Variants in ACSF3 observed in about 807,000 individuals in gnomAD.
The protein encoded by ACSF3 is malonate--CoA ligase ACSF3, mitochondrial.
In ACSF3, 78 loss-of-function variants were observed where a neutral mutation model predicts 53.2. The observed-to-expected ratio is 1.47, with a 90% confidence interval of 1.22 to 1.77. ACSF3 has a LOEUF of 1.77. Ranked by LOEUF, ACSF3 falls within the 40% of genes most tolerant of loss-of-function variation. ACSF3 has a pLI of 0.00. For missense variants in ACSF3, 937 were observed against 771.1 expected, an observed-to-expected ratio of 1.22 and a Z score of -2.55; for synonymous variants, 414 against 333.1, an observed-to-expected ratio of 1.24 and a Z score of -2.65.
At chr16:89,131,127 CTTTTTTTTTT>C (rs558773398) in intron 7 of ACSF3, among the ~76,000 whole-genome samples, 17 of 69,548 alleles carry the variant, frequency 2.4e-4, no homozygotes, top group Non-Finnish European at 4.1e-4. Flanking sequence ...TTTTCTTTTT[CTTTTTTTTTT>C]TTTTTTTTTT....
intron 6 of ACSF3, among the ~76,000 whole-genome samples, chr16:89,120,510 A>C (rs748483863): frequency 1.3e-5 from 2 of 152,350 alleles, no homozygotes; most frequent in South Asian, 4.1e-4. Flanking sequence ...TGAGGGGCCC[A>C]GGGCAGGCCA....
At chr16:89,112,294 A>G (rs748596398) in intron 5 of ACSF3, 48 bp downstream of exon 5, 6 of 1,602,214 alleles carry the variant, frequency 3.7e-6, no homozygotes, top group Non-Finnish European at 5.1e-6. Context: ...TTAAAGATCA[A>G]CAGATACGAC....
chr16:89,101,771 C>T (rs1470873197), intron 3 of ACSF3, among the ~76,000 whole-genome samples: 6 of 152,358 alleles, frequency 3.9e-5, no homozygotes, highest in African/African-American at 1.2e-4. Flanking sequence ...TCTCCAACCA[C>T]ATCACTTACC....
chr16:89,103,290 G>A (rs1975586049), intron 4 of ACSF3, among the ~76,000 whole-genome samples: 2 of 152,238 alleles, frequency 1.3e-5, no homozygotes, highest in South Asian at 2.1e-4. Flanking sequence ...AATAATGCGA[G>A]TTTGTTCTTA....
intron 1 of ACSF3, among the ~76,000 whole-genome samples, chr16:89,097,290 C>T (rs1437221049): frequency 6.6e-6 from 1 of 152,230 alleles, no homozygotes; most frequent in African/African-American, 2.4e-5. Flanking sequence ...AGAGGGAAGC[C>T]GTCATCCCCC....
chr16:89,108,317 A>C (rs997663548), intron 4 of ACSF3, among the ~76,000 whole-genome samples: 4 of 152,198 alleles, frequency 2.6e-5, no homozygotes, highest in Non-Finnish European at 5.9e-5. Context: ...TCCGCGAAGC[A>C]CTGTGCTTCC....
At chr16:89,123,481 C>T (rs914582149) in intron 7 of ACSF3, among the ~76,000 whole-genome samples, 2 of 152,190 alleles carry the variant, frequency 1.3e-5, no homozygotes, top group African/African-American at 4.8e-5. Flanking sequence ...CCCGGATCCA[C>T]GTGGCTCAAG....
chr16:89,147,252 T>C lies in ACSF3; in HGVS notation c.1613+1203T>C, dbSNP rs1161438806. ...GAGTGAGTGAGGGAGGAGGGAGGGG[T>C]CACAGAGTGAGTGAGGGAGGAGGGA... On this transcript the variant is annotated intron_variant, in intron 10 of 10. Transcript: ENST00000614302. Among the ~76,000 whole-genome samples, 112 of 25,014 alleles carry C rather than the reference T, an allele frequency of 4.5e-3. 1 individual carries two copies. The highest frequency in any genetic ancestry group is 7.3e-3 in the African/African-American group (43 of 5,902). 16.4% of individuals were successfully genotyped at this position (25,014 alleles called of 152,430 possible). A position where few individuals can be genotyped will look rare whatever the true frequency, so the allele number is the denominator to read the frequency against.
In ACSF3 at chr16:89,114,195, A is replaced by G. The variant is rs1904618101; in HGVS notation, c.978-144A>G. 5 of 1,085,826 alleles carry G rather than the reference A, an allele frequency of 4.6e-6. No homozygotes were observed. In the African/African-American group the frequency reaches 6.2e-5, roughly 13 times the overall value. The allele number at this position is 1,085,826 out of a possible 1,614,324, so 67.3% of individuals were successfully genotyped here. A position where few individuals can be genotyped will look rare whatever the true frequency, so the allele number is the denominator to read the frequency against. On this transcript the variant is annotated intron_variant, in intron 5 of 10. Transcript: ENST00000614302. ...CCCGGGTGTCGCACAGTGGTGCTGTACCCACGGCCTGGGGCTCCTGCACTC... is the reference window on the plus strand; with the variant it reads ...CCCGGGTGTCGCACAGTGGTGCTGTGCCCACGGCCTGGGGCTCCTGCACTC...
chr16:89,107,879 A>G (rs2151432122), intron 4 of ACSF3, among the ~76,000 whole-genome samples: 1 of 152,184 alleles, frequency 6.6e-6, no homozygotes. Flanking sequence ...GTACCAATTT[A>G]CTGTATTAGT....
chr16:89,107,002 T>C (rs924501930), intron 4 of ACSF3, among the ~76,000 whole-genome samples: 1 of 152,224 alleles, frequency 6.6e-6, no homozygotes, highest in Admixed American at 6.5e-5. Flanking sequence ...CCAACAGCAC[T>C]GCCCTGGCCG....
chr16:89,104,942 C>T (rs910517930), intron 4 of ACSF3, among the ~76,000 whole-genome samples: 12 of 152,196 alleles, frequency 7.9e-5, no homozygotes, highest in Admixed American at 2.0e-4. Context: ...CAGTTACTAC[C>T]GTGCCAAAGA....
intron 7 of ACSF3, among the ~76,000 whole-genome samples, chr16:89,130,522 C>T (rs192342821): frequency 8.5e-5 from 13 of 152,244 alleles, no homozygotes; most frequent in South Asian, 2.1e-4. Flanking sequence ...TGCAGTAAGC[C>T]GAGATCATGC....
chr16:89,112,390 C>G (rs1320208131), intron 5 of ACSF3, 144 bp downstream of exon 5: 17 of 1,038,416 alleles, frequency 1.6e-5, no homozygotes, highest in Non-Finnish European at 2.4e-5. Context: ...CTACCCGTCT[C>G]CGTCTCTACC....
chr16:89,106,785 C>G (rs1177993554), intron 4 of ACSF3, among the ~76,000 whole-genome samples: 1 of 152,186 alleles, frequency 6.6e-6, no homozygotes, highest in East Asian at 1.9e-4. Flanking sequence ...GTGGGGTGAC[C>G]AGACACCTGC....
intron 8 of ACSF3, among the ~76,000 whole-genome samples, chr16:89,133,548 C>A (rs567334359): frequency 6.6e-6 from 1 of 152,200 alleles, no homozygotes; most frequent in African/African-American, 2.4e-5. Flanking sequence ...ACAGCCGCTC[C>A]GGCACGCACG....
At chr16:89,146,465 C>A (rs1279147405) in intron 10 of ACSF3, among the ~76,000 whole-genome samples, 2 of 152,216 alleles carry the variant, frequency 1.3e-5, no homozygotes, top group Non-Finnish European at 2.9e-5. Flanking sequence ...AGCCTGTCCA[C>A]CTGCCGCCCC....
chr16:89,106,331 T>G (rs1310052132), intron 4 of ACSF3, among the ~76,000 whole-genome samples: 1 of 152,246 alleles, frequency 6.6e-6, no homozygotes, highest in East Asian at 1.9e-4. Flanking sequence ...CTCGCACTGT[T>G]AGCCGGGCTG....
At chr16:89,120,330 C>T (rs1461950686) in intron 6 of ACSF3, among the ~76,000 whole-genome samples, 5 of 152,248 alleles carry the variant, frequency 3.3e-5, no homozygotes, top group African/African-American at 7.2e-5. Flanking sequence ...CAGATCCTGC[C>T]TTAGCCCGTC....
Sources: gnomAD v4.1 joint callset for allele counts (sites outside exome capture counted in the v4.1 genomes callset) on GRCh38, gnomAD v4.1.1 for gene constraint, MANE v1.5 for transcripts, NCBI Gene and HGNC (gene_info 2026-07-23, HGNC 2026-07-21) for gene names.